Variants in EYS observed in about 807,000 individuals in gnomAD.
EYS encodes protein eyes shut homolog.
EYS carries 250 observed loss-of-function variants against 282.1 expected under a neutral mutation model. That is an observed-to-expected ratio of 0.89 (90% CI 0.80 to 0.98). The LOEUF is 0.98. EYS is among the 50% of genes least tolerant of loss of function. The pLI is 0.00. For missense variants in EYS, 4,016 were observed against 3,709.0 expected, an observed-to-expected ratio of 1.08 and a Z score of -2.15; for synonymous variants, 1,355 against 1,282.9, an observed-to-expected ratio of 1.06 and a Z score of -1.20.
At chr6:64,271,712 G>C (rs1370529517) in intron 30 of EYS, among the ~76,000 whole-genome samples, 1 of 78,636 alleles carries the variant, frequency 1.3e-5, no homozygotes, top group African/African-American at 4.7e-5. Flanking sequence ...GTATTTTGTG[G>C]GTTTTTTTTG....
At chr6:65,027,021 TG>T (rs201083182) in intron 13 of EYS, among the ~76,000 whole-genome samples, 10,932 of 135,892 alleles carry the variant, frequency 0.08, 452 homozygotes, top group East Asian at 0.14. Flanking sequence ...TTGTAATGTG[TG>T]TTTTTTTTTT....
intron 12 of EYS, among the ~76,000 whole-genome samples, chr6:65,102,261 T>C (rs997784523): frequency 2.6e-5 from 4 of 151,318 alleles, no homozygotes; most frequent in East Asian, 1.9e-4. Context: ...ATTTCAACCA[T>C]TTAAAAGCAA....
At position 65,353,381 on chromosome 6, in the gene EYS, G is replaced by T. The variant is rs905158570; in HGVS notation, c.1459+77C>A. Reference sequence around the variant, plus strand: ...TTTTGAGATATAAAATACTTTGTGTGTTTAGAAAATGAATACGTGACTAGC... The same window carrying T: ...TTTTGAGATATAAAATACTTTGTGTTTTTAGAAAATGAATACGTGACTAGC... On this transcript the variant is annotated intron_variant, in intron 9 of 42. Coordinates refer to ENST00000503581, the MANE Select transcript of EYS (RefSeq NM_001142800.2). 8.8e-6 allele frequency: 11 copies of T among 1,243,938 alleles called. No individual in the cohort carries two copies. The African/African-American group carries it at 1.6e-4, about 19-fold the overall frequency. 77.1% of individuals were successfully genotyped at this position (1,243,938 alleles called of 1,614,324 possible).
At chr6:65,333,613 C>T (rs1395687722) in intron 11 of EYS, among the ~76,000 whole-genome samples, 1 of 151,476 alleles carries the variant, frequency 6.6e-6, no homozygotes, top group Non-Finnish European at 1.5e-5. Context: ...AGTGTTATAT[C>T]TGCTATTGAA....
rs781386482 is a variant in EYS at position 65,177,138 on chromosome 6, C to T, written c.2023+118725G>A. 2.8e-4 allele frequency among the ~76,000 whole-genome samples: 42 copies of T among 151,784 alleles called. No individual in the cohort carries two copies. The East Asian group carries it at 4.1e-3, about 15-fold the overall frequency. On this transcript the variant is annotated intron_variant, in intron 12 of 42. Transcript: ENST00000503581. ...TTTAACTTAGCATTTTGAGTACTTT[C>T]AGAATTTTTTATAAACAAGACTATA...
chr6:65,547,354 G>A (rs560932811), intron 2 of EYS, among the ~76,000 whole-genome samples: 1 of 151,792 alleles, frequency 6.6e-6, no homozygotes. Flanking sequence ...GGGTATTCAA[G>A]TGTTTGCTAT....
intron 31 of EYS, among the ~76,000 whole-genome samples, chr6:64,162,683 G>T (rs1327279988): frequency 6.6e-6 from 1 of 152,054 alleles, no homozygotes; most frequent in Non-Finnish European, 1.5e-5. Context: ...TATTCTCTCT[G>T]GTCCCCTTGT....
Position 64,994,419 on chromosome 6 carries a change from G to T in EYS, c.2259+3163C>A, listed in dbSNP as rs374980820. Among the ~76,000 whole-genome samples, 7 of 152,008 alleles carry T rather than the reference G, an allele frequency of 4.6e-5. No individual in the cohort carries two copies. In the East Asian group the frequency reaches 5.8e-4, roughly 13 times the overall value. On this transcript the variant is annotated intron_variant, in intron 14 of 42. Transcript: ENST00000503581. ...TAATTTAAAGCTATACACATACCAG[G>T]TTCAAAGAAGATGCAAGCCACATGT...
intron 22 of EYS, among the ~76,000 whole-genome samples, chr6:64,688,153 T>C (rs989384137): frequency 6.6e-6 from 1 of 152,138 alleles, no homozygotes; most frequent in African/African-American, 2.4e-5. Context: ...CAATCAATCT[T>C]GTGGATCTTT....
intron 35 of EYS, among the ~76,000 whole-genome samples, chr6:63,924,054 C>A (rs546337863): frequency 7.3e-5 from 11 of 150,938 alleles, no homozygotes; most frequent in Admixed American, 2.6e-4. Flanking sequence ...ATAATAAATT[C>A]AAAAAGGAAT....
intron 8 of EYS, among the ~76,000 whole-genome samples, chr6:65,358,599 A>AGTGTGTGTGTGTGTGTGTGTGT (rs61588307): frequency 1.4e-5 from 2 of 140,836 alleles, no homozygotes; most frequent in Admixed American, 7.2e-5. Context: ...AGGTTTCTGA[A>AGTGTGTGTGTGTGTGTGTGTGT]GTGTGTGTGT....
At chr6:64,157,674 GT>G (rs1379409455) in intron 31 of EYS, among the ~76,000 whole-genome samples, 1 of 152,200 alleles carries the variant, frequency 6.6e-6, no homozygotes, top group Non-Finnish European at 1.5e-5. Context: ...GCTTCAGAGG[GT>G]GGAAGCCCCA....
At chr6:64,687,742 G>A (rs1770209994) in intron 22 of EYS, among the ~76,000 whole-genome samples, 2 of 152,202 alleles carry the variant, frequency 1.3e-5, no homozygotes, top group East Asian at 1.9e-4. Flanking sequence ...CATAAAATGA[G>A]TTAGGGAGGA....
intron 35 of EYS, among the ~76,000 whole-genome samples, chr6:63,946,290 A>T (rs1293753799): frequency 6.6e-6 from 1 of 151,996 alleles, no homozygotes; most frequent in African/African-American, 2.4e-5. Context: ...GTCTCAGCAT[A>T]ACATGATAAA....
At chr6:64,874,838 G>A (rs999707014) in intron 19 of EYS, among the ~76,000 whole-genome samples, 14 of 151,974 alleles carry the variant, frequency 9.2e-5, no homozygotes, top group Admixed American at 1.3e-4. Context: ...GAGCCTGAAC[G>A]TGCCTGTATG....
At chr6:63,950,994 A>G (rs1310394992) in intron 35 of EYS, among the ~76,000 whole-genome samples, 1 of 152,052 alleles carries the variant, frequency 6.6e-6, no homozygotes, top group Non-Finnish European at 1.5e-5. Context: ...GACATTTCAG[A>G]GGTGTCTGAT....
At chr6:65,689,996 T>G (rs1203473015) in intron 1 of EYS, among the ~76,000 whole-genome samples, 1 of 149,766 alleles carries the variant, frequency 6.7e-6, no homozygotes, top group Non-Finnish European at 1.5e-5. Context: ...CTAAGTTTAG[T>G]GAGGGCGCGG....
intron 1 of EYS, among the ~76,000 whole-genome samples, chr6:65,651,521 T>A (rs1017208042): frequency 6.6e-6 from 1 of 152,072 alleles, no homozygotes. Flanking sequence ...GATATCTTCA[T>A]GTATATCTCC....
At chr6:63,930,924 G>A (rs1434125342) in intron 35 of EYS, among the ~76,000 whole-genome samples, 1 of 152,178 alleles carries the variant, frequency 6.6e-6, no homozygotes, top group Non-Finnish European at 1.5e-5. Flanking sequence ...ATTTCCTTGA[G>A]TCTTTCTATA....
Sources: allele counts gnomAD v4.1 joint callset (sites outside exome capture counted in the v4.1 genomes callset), GRCh38; gene constraint gnomAD v4.1.1; transcripts MANE v1.5; gene names NCBI Gene and HGNC (gene_info 2026-07-23, HGNC 2026-07-21).